ITGA6: variants seen among roughly 807,000 people sequenced by gnomAD.
ITGA6 encodes the protein integrin subunit alpha 6, also known as integrin alpha-6.
ITGA6 carries 63 observed loss-of-function variants against 133.6 expected under a neutral mutation model. The observed-to-expected ratio is 0.47, with a 90% confidence interval of 0.38 to 0.58. The LOEUF (loss-of-function observed/expected upper bound fraction) is 0.58, where lower values mean the gene tolerates loss of function less well. Ranked by LOEUF, ITGA6 falls within the 20% of genes least tolerant of loss-of-function variation. ITGA6 has a pLI of 0.00. For missense variants in ITGA6, 1,068 were observed against 1,309.4 expected (o/e 0.82, Z 2.85); for synonymous variants, 434 against 482.0 (o/e 0.90, Z 1.30).
intron 14 of ITGA6, 47 bp from the exon 15 acceptor site, chr2:172,487,217 G>GT: frequency 6.4e-7 from 1 of 1,553,562 alleles, no homozygotes; most frequent in Non-Finnish European, 8.9e-7. Context: ...TACTGGAAAC[G>GT]TATTGAGGAC....
At chr2:172,479,095 G>T (rs3828343) in intron 9 of ITGA6, among the ~76,000 whole-genome samples, 44,484 of 152,060 alleles carry the variant, frequency 0.29, 6,634 homozygotes, top group African/African-American at 0.34. Context: ...GCTCAACAAC[G>T]TGAATGTCTA....
At chr2:172,436,518 TAGC>T (rs1259203019) in intron 1 of ITGA6, among the ~76,000 whole-genome samples, 1 of 152,164 alleles carries the variant, frequency 6.6e-6, no homozygotes, top group Admixed American at 6.5e-5. Flanking sequence ...TCCCCAAGCT[TAGC>T]AGCCATGCCA....
intron 1 of ITGA6, among the ~76,000 whole-genome samples, chr2:172,444,595 G>T (rs28520502): frequency 2.6e-5 from 1 of 38,078 alleles, no homozygotes; most frequent in East Asian, 9.8e-4. Context: ...CCCGCCCCCC[G>T]CCCCCCGCCA....
At chr2:172,488,072 T>C (rs1452928021) in intron 18 of ITGA6, 34 bp downstream of exon 18, 1 of 1,611,542 alleles carries the variant, frequency 6.2e-7, no homozygotes, top group East Asian at 2.2e-5. Context: ...CAAATCAATG[T>C]TTGAAAGAAC....
intron 1 of ITGA6, among the ~76,000 whole-genome samples, chr2:172,437,066 G>A (rs1313198704): frequency 6.6e-6 from 1 of 152,194 alleles, no homozygotes; most frequent in Non-Finnish European, 1.5e-5. Context: ...AAACACAAAG[G>A]CCCTGAGGCA....
At chr2:172,482,412 A>G (rs952657364) in intron 11 of ITGA6, among the ~76,000 whole-genome samples, 12 of 152,232 alleles carry the variant, frequency 7.9e-5, no homozygotes, top group Non-Finnish European at 1.8e-4. Flanking sequence ...ATTTTAGCTC[A>G]GCAGTCCTCA....
rs1342018098 is a variant in ITGA6 at position 172,491,922 on chromosome 2, C to T, written c.2988+399C>T. 2.6e-5 allele frequency among the ~76,000 whole-genome samples: 4 copies of T among 152,182 alleles called. No homozygotes were observed. The highest frequency in any genetic ancestry group is 4.4e-5 in the Non-Finnish European group (3 of 68,030). On this transcript the variant is annotated intron_variant, in intron 23 of 25. Transcript: ENST00000684293. This position sits in a 1 kb window ranked among gnomAD's most constrained non-coding sequence, Gnocchi z 4.4. Reference sequence around the variant, plus strand: ...TTCATAGCTGACTCCTGAACTGAACCTTGTAAGTCCCTGGTTATGCCCCTC... The same window carrying T: ...TTCATAGCTGACTCCTGAACTGAACTTTGTAAGTCCCTGGTTATGCCCCTC...
chr2:172,435,441 GTATC>G (rs1684275811), intron 1 of ITGA6, among the ~76,000 whole-genome samples: 1 of 151,940 alleles, frequency 6.6e-6, no homozygotes, highest in African/African-American at 2.4e-5. Context: ...TAGAACAAAG[GTATC>G]GAAACAATAA....
chr2:172,452,367 G>A (rs1685042581), intron 1 of ITGA6, among the ~76,000 whole-genome samples: 1 of 152,166 alleles, frequency 6.6e-6, no homozygotes, highest in Non-Finnish European at 1.5e-5. Flanking sequence ...CTTGTCTAAA[G>A]GTGTGAGCAG....
At chr2:172,445,906 A>G (rs1684749873) in intron 1 of ITGA6, among the ~76,000 whole-genome samples, 1 of 152,240 alleles carries the variant, frequency 6.6e-6, no homozygotes, top group South Asian at 2.1e-4. Flanking sequence ...TCTAAGGAAA[A>G]TTATTGGAAG....
At chr2:172,480,612 G>C (rs1686399508) in intron 11 of ITGA6, among the ~76,000 whole-genome samples, 1 of 152,108 alleles carries the variant, frequency 6.6e-6, no homozygotes, top group South Asian at 2.1e-4. Flanking sequence ...TTTCAGCTTT[G>C]ATACTGACTG....
intron 1 of ITGA6, among the ~76,000 whole-genome samples, chr2:172,439,644 ACTGTGC>A (rs1420867694): frequency 6.6e-6 from 1 of 152,034 alleles, no homozygotes; most frequent in Non-Finnish European, 1.5e-5. Flanking sequence ...GTTGCTTTGC[ACTGTGC>A]CTCTGTACAT....
chr2:172,486,607 G>A (rs1400315079), intron 13 of ITGA6, among the ~76,000 whole-genome samples: 1 of 152,168 alleles, frequency 6.6e-6, no homozygotes, highest in African/African-American at 2.4e-5. Flanking sequence ...TGTAAATCGA[G>A]TATTATAATC....
intron 20 of ITGA6, 192 bp downstream of exon 20, chr2:172,489,850 T>C (rs1559151562): frequency 1.2e-5 from 7 of 576,288 alleles, no homozygotes; most frequent in Admixed American, 2.9e-5. Context: ...TTAATGACCA[T>C]TATAGTACAT....
chr2:172,463,856 GGTACTTGTTTGTT>G (rs1685535462), intron 1 of ITGA6, among the ~76,000 whole-genome samples: 1 of 152,176 alleles, frequency 6.6e-6, no homozygotes, highest in Non-Finnish European at 1.5e-5. Context: ...TCACCTCCCA[GGTACTTGTTTGTT>G]GGCATTCCTG....
intron 2 of ITGA6, 152 bp downstream of exon 2, chr2:172,465,815 T>C: frequency 9.6e-7 from 1 of 1,046,812 alleles, no homozygotes. Context: ...CCTGAAAATA[T>C]TTACTTACTT....
In ITGA6 at chr2:172,491,251, A is replaced by G. The variant is rs190209064; in HGVS notation, c.2809A>G (p.Ile937Val). The change falls in exon 22 of 26, where the codon ATC becomes GTC. Residue 937 changes from isoleucine to valine, a missense_variant. Coordinates refer to ENST00000684293, the MANE Select transcript of ITGA6 (RefSeq NM_000210.4). The surrounding 1 kb of genome is among the most constrained non-coding windows in gnomAD (Gnocchi z 4.4). ...NCSVNVNCVN[I>V]RCPLRGLDSK... ...TAGCGTGAACGTGAACTGTGTGAAC[A>G]TCAGATGCCCGCTGCGGGGGCTGGA... The G allele has an allele frequency of 1.4e-5, 22 of 1,612,416 alleles. No homozygotes were observed. The highest frequency in any genetic ancestry group is 1.9e-5 in the Non-Finnish European group (22 of 1,178,564).
At chr2:172,451,667 G>A (rs1685010265) in intron 1 of ITGA6, among the ~76,000 whole-genome samples, 2 of 152,146 alleles carry the variant, frequency 1.3e-5, no homozygotes, top group South Asian at 4.1e-4. Flanking sequence ...CCAGCCACAG[G>A]ATGAGAGCGC....
chr2:172,504,221 C>A lies in ITGA6; in HGVS notation c.*153C>A. 1.3e-6 allele frequency: 2 copies of A among 1,566,742 alleles called. No individual in the cohort carries two copies. Among genetic ancestry groups the A allele is most frequent in the South Asian group, 1.2e-5 (1 of 85,476 alleles). On this transcript the variant is annotated 3_prime_UTR_variant, in exon 26 of 26. Transcript: ENST00000684293. ...AACCTTGAAAAAAAACAGTGGATCACAAAGTGGAACGAAAATGAAAGCTAC... is the reference window on the plus strand; with the variant it reads ...AACCTTGAAAAAAAACAGTGGATCAAAAAGTGGAACGAAAATGAAAGCTAC...
Sources: allele counts gnomAD v4.1 joint callset (sites outside exome capture counted in the v4.1 genomes callset), GRCh38; gene constraint gnomAD v4.1.1; non-coding constraint Gnocchi (gnomAD v3.1); transcripts MANE v1.5; gene names NCBI Gene and HGNC (gene_info 2026-07-23, HGNC 2026-07-21).